Variants in FGF2 observed in about 807,000 individuals in gnomAD.
FGF2 encodes the protein fibroblast growth factor 2.
In FGF2, 13 loss-of-function variants were observed where a neutral mutation model predicts 15.9. The ratio of observed to expected loss-of-function variants is 0.82; its 90% confidence interval spans 0.53 to 1.30. The LOEUF (loss-of-function observed/expected upper bound fraction) is 1.30, where lower values mean the gene tolerates loss of function less well. Ranked by LOEUF, FGF2 falls within the 50% of genes most tolerant of loss-of-function variation. FGF2 has a pLI of 0.00. For synonymous variants in FGF2, 90 were observed against 78.4 expected (o/e 1.15, Z -0.78); for missense variants, 163 against 196.9 (o/e 0.83, Z 1.03).
chr4:122,879,964 T>C lies in FGF2; in HGVS notation c.282+3540T>C, dbSNP rs574606732. ...CACCCCTGGCCCCTCCAAAATCTCA[T>C]GTCCTCACATTTCAAAACCAATCAT... is the stretch of plus-strand genomic sequence containing the variant. On this transcript the variant is annotated intron_variant, in intron 2 of 2. Coordinates refer to ENST00000644866, the MANE Select transcript of FGF2 (RefSeq NM_001361665.2). Among the ~76,000 whole-genome samples, 6 of 152,300 alleles carry C rather than the reference T, an allele frequency of 3.9e-5. No homozygotes were observed. The East Asian group carries it at 9.6e-4, about 24-fold the overall frequency.
chr4:122,892,479 A>T lies in FGF2; in HGVS notation c.*83A>T. The T allele has an allele frequency of 6.2e-7, 1 of 1,600,708 alleles. No individual in the cohort carries two copies. Among genetic ancestry groups the T allele is most frequent in the Non-Finnish European group, 8.5e-7 (1 of 1,171,246 alleles). ...TTGTTAATGAGAGTAAAAGAAAATA[A>T]ATGTGTATAGCTCAGTTTGGATAAT... On this transcript the variant is annotated 3_prime_UTR_variant, in exon 3 of 3. Coordinates refer to ENST00000644866, the MANE Select transcript of FGF2 (RefSeq NM_001361665.2).
At chr4:122,873,671 G>T (rs1329605164) in intron 1 of FGF2, among the ~76,000 whole-genome samples, 1 of 152,048 alleles carries the variant, frequency 6.6e-6, no homozygotes, top group African/African-American at 2.4e-5. Context: ...TCTCTATTTT[G>T]GGAAGAGATC....
At chr4:122,852,779 C>T (rs887804802) in intron 1 of FGF2, among the ~76,000 whole-genome samples, 1 of 152,124 alleles carries the variant, frequency 6.6e-6, no homozygotes, top group African/African-American at 2.4e-5. Flanking sequence ...CATCCTTTGC[C>T]TTCCATCCTC....
intron 2 of FGF2, among the ~76,000 whole-genome samples, chr4:122,880,339 C>T (rs185236266): frequency 0.022 from 3,281 of 151,598 alleles, 61 homozygotes; most frequent in Non-Finnish European, 0.035. Context: ...CTCCACCTCC[C>T]GGGTTCACGC....
chr4:122,841,896 A>T (rs1578454027), intron 1 of FGF2, among the ~76,000 whole-genome samples: 1 of 152,246 alleles, frequency 6.6e-6, no homozygotes, highest in Non-Finnish European at 1.5e-5. Flanking sequence ...GTGAAATTTT[A>T]AAAAATTAAC....
chr4:122,847,666 C>T (rs1329212465), intron 1 of FGF2, among the ~76,000 whole-genome samples: 1 of 151,832 alleles, frequency 6.6e-6, no homozygotes, highest in African/African-American at 2.4e-5. Context: ...ATCTATCTAC[C>T]TACCTACCTA....
At position 122,827,240 on chromosome 4, in the gene FGF2, G is replaced by C. The variant is rs113672587; in HGVS notation, c.66G>C (p.Pro22=). Reference sequence around the variant, plus strand: ...AGGATGGCGGCAGCGGCGCCTTCCCGCCCGGCCACTTCAAGGACCCCAAGC... The same window carrying C: ...AGGATGGCGGCAGCGGCGCCTTCCCCCCCGGCCACTTCAAGGACCCCAAGC... ...LPEDGGSGAF[P]PGHFKDPKRL... Residue 22 remains proline (P), a synonymous_variant, in exon 1 of 3, where the codon CCG becomes CCC. Transcript: ENST00000644866. This position sits in a 1 kb window ranked among gnomAD's most constrained non-coding sequence, Gnocchi z 4.2. The C allele has an allele frequency of 5.3e-5, 86 of 1,611,846 alleles. 1 individual carries two copies. In the African/African-American group the frequency reaches 8.9e-4, roughly 17 times the overall value.
At chr4:122,875,616 G>C (rs1032898641) in intron 1 of FGF2, among the ~76,000 whole-genome samples, 30 of 152,098 alleles carry the variant, frequency 2.0e-4, no homozygotes, top group African/African-American at 7.2e-4. Context: ...AGACCATCTG[G>C]CTAACATGGT....
chr4:122,849,227 A>T (rs769585319), intron 1 of FGF2, among the ~76,000 whole-genome samples: 8 of 152,226 alleles, frequency 5.3e-5, no homozygotes, highest in Non-Finnish European at 1.2e-4. Flanking sequence ...GATAGACTAG[A>T]TAAAGAAAAT....
intron 1 of FGF2, among the ~76,000 whole-genome samples, chr4:122,831,427 T>C (rs1469986129): frequency 6.6e-6 from 1 of 152,188 alleles, no homozygotes; most frequent in African/African-American, 2.4e-5. Context: ...CACTACTGCC[T>C]TTGGGGTAAA....
chr4:122,826,931 C>T lies in FGF2; in HGVS notation c.-244C>T, dbSNP rs1449683. The T allele has an allele frequency of 0.1, 154,475 of 1,477,398 alleles. 9,558 individuals carry two copies. The highest frequency in any genetic ancestry group is 0.26 in the African/African-American group (17,694 of 69,308). The allele number at this position is 1,477,398 out of a possible 1,614,324, so 91.5% of individuals were successfully genotyped here. On this transcript the variant is annotated 5_prime_UTR_variant, in exon 1 of 3. Transcript: ENST00000644866. ...GGCGGCGTCCGCGGAGACACCCATCCGTGAACCCCAGGTCCCGGGCCGCCG... is the reference window on the plus strand; with the variant it reads ...GGCGGCGTCCGCGGAGACACCCATCTGTGAACCCCAGGTCCCGGGCCGCCG...
In FGF2 at chr4:122,892,939, G is replaced by C. The variant is rs1175170658; in HGVS notation, c.*543G>C. 4 of 1,614,000 alleles carry C rather than the reference G, an allele frequency of 2.5e-6. No homozygotes were observed. The highest frequency in any genetic ancestry group is 3.4e-6 in the Non-Finnish European group (4 of 1,180,032). On this transcript the variant is annotated 3_prime_UTR_variant, in exon 3 of 3. Transcript: ENST00000644866. ...GTTCTTCCACAGTCAGGTCAATTTT[G>C]TCAAACCCTTCTCTGTACCCATACA...
At chr4:122,891,267 C>T (rs1263562381) in intron 2 of FGF2, among the ~76,000 whole-genome samples, 1 of 151,830 alleles carries the variant, frequency 6.6e-6, no homozygotes, top group African/African-American at 2.4e-5. Context: ...GTCTCGATCT[C>T]CTGACCTCGT....
chr4:122,829,848 G>T (rs535946131), intron 1 of FGF2, among the ~76,000 whole-genome samples: 87 of 152,242 alleles, frequency 5.7e-4, no homozygotes, highest in African/African-American at 2.0e-3. Flanking sequence ...ATAAATTTAA[G>T]TACAGTATAT....
rs139846478 is a variant in FGF2, at chr4:122,870,391, T to G, written c.179-5930T>G. Among the ~76,000 whole-genome samples the G allele has an allele frequency of 2.6e-3, 401 of 152,342 alleles. 3 individuals carry two copies. The highest frequency in any genetic ancestry group is 9.3e-3 in the African/African-American group (387 of 41,578). Reference sequence around the variant, plus strand: ...TCCTTTTCAATTGTTTGGAATAGTTTCAGAAGGAATGATATCAGCTCTTCT... The same window carrying G: ...TCCTTTTCAATTGTTTGGAATAGTTGCAGAAGGAATGATATCAGCTCTTCT... On this transcript the variant is annotated intron_variant, in intron 1 of 2. Coordinates refer to ENST00000644866, the MANE Select transcript of FGF2 (RefSeq NM_001361665.2).
chr4:122,854,337 C>T (rs1726294540), intron 1 of FGF2, among the ~76,000 whole-genome samples: 1 of 152,134 alleles, frequency 6.6e-6, no homozygotes, highest in South Asian at 2.1e-4. Context: ...TGGTAGTATT[C>T]GACCCTGGCA....
intron 1 of FGF2, among the ~76,000 whole-genome samples, chr4:122,865,677 A>G (rs308387): frequency 0.91 from 138,297 of 152,250 alleles, 63,038 homozygotes; most frequent in East Asian, 0.96. Context: ...ACTTTAATAC[A>G]TCATATGATT....
intron 1 of FGF2, among the ~76,000 whole-genome samples, chr4:122,828,904 T>G (rs1725704685): frequency 6.6e-6 from 1 of 152,258 alleles, no homozygotes. Context: ...CCATCTCAGC[T>G]GACAAGGGCA....
At chr4:122,853,705 T>C (rs1032733879) in intron 1 of FGF2, among the ~76,000 whole-genome samples, 1 of 152,240 alleles carries the variant, frequency 6.6e-6, no homozygotes, top group Non-Finnish European at 1.5e-5. Context: ...TCTGTTTTTG[T>C]AGTTGTTACT....
Sources: gnomAD v4.1 joint callset for allele counts (sites outside exome capture counted in the v4.1 genomes callset) on GRCh38, gnomAD v4.1.1 for gene constraint, Gnocchi (gnomAD v3.1) non-coding constraint, MANE v1.5 for transcripts, NCBI Gene and HGNC (gene_info 2026-07-23, HGNC 2026-07-21) for gene names.